Variants in TRDN observed in about 807,000 individuals in gnomAD.
The protein encoded by TRDN is triadin, also known as triadin in skeletal muscle.
A neutral mutation model predicts 149.7 loss-of-function variants in TRDN; 161 were observed. That is an observed-to-expected ratio of 1.08 (90% CI 0.95 to 1.23). The LOEUF (loss-of-function observed/expected upper bound fraction) is 1.23. Among genes scored for constraint, TRDN ranks in the 50% most tolerant of loss-of-function variants. The pLI, the probability that TRDN is intolerant of heterozygous loss-of-function variation, is 0.00. For synonymous variants in TRDN, 294 were observed against 250.5 expected (o/e 1.17, Z -1.64); for missense variants, 896 against 823.5 (o/e 1.09, Z -1.08).
intron 24 of TRDN, among the ~76,000 whole-genome samples, chr6:123,312,005 G>A (rs1480834902): frequency 6.6e-6 from 1 of 151,926 alleles, no homozygotes; most frequent in African/African-American, 2.4e-5. Context: ...ATGAAGATGA[G>A]TACTTCTGAA....
At chr6:123,360,950 T>C (rs1048234769) in intron 20 of TRDN, among the ~76,000 whole-genome samples, 1 of 152,150 alleles carries the variant, frequency 6.6e-6, no homozygotes, top group African/African-American at 2.4e-5. Context: ...TAGATGGATA[T>C]GTGCCACATT....
chr6:123,423,681 G>A (rs1773998625), intron 12 of TRDN, among the ~76,000 whole-genome samples: 1 of 152,108 alleles, frequency 6.6e-6, no homozygotes, highest in South Asian at 2.1e-4. Flanking sequence ...GAGGTCAGGG[G>A]AATAGTACTT....
At position 123,257,199 on chromosome 6, in the gene TRDN, C is replaced by T. The variant is rs148044671; in HGVS notation, c.1871-1297G>A. Among the ~76,000 whole-genome samples, 312 of 152,046 alleles carry T rather than the reference C, an allele frequency of 2.1e-3. 3 individuals are homozygous for T. The highest frequency in any genetic ancestry group is 7.1e-3 in the African/African-American group (296 of 41,482). On this transcript the variant is annotated intron_variant, in intron 35 of 40. Transcript: ENST00000334268. ...TTCACCATGTTGGCCAGGGTGGTCT[C>T]GATCTCTTGACCTCGTGATCCGCCC...
intron 8 of TRDN, chr6:123,502,480 T>G: frequency 2.4e-6 from 2 of 849,544 alleles, no homozygotes; most frequent in Non-Finnish European, 2.8e-6. Context: ...AGAAAAAATC[T>G]TTCCTTTTTA....
intron 10 of TRDN, among the ~76,000 whole-genome samples, chr6:123,456,528 G>C (rs62419057): frequency 0.17 from 25,595 of 151,582 alleles, 2,296 homozygotes; most frequent in South Asian, 0.28. Flanking sequence ...GAGTGCAGTC[G>C]TGGGATCTCG....
intron 24 of TRDN, among the ~76,000 whole-genome samples, chr6:123,283,319 T>C (rs1458629687): frequency 6.6e-6 from 1 of 151,834 alleles, no homozygotes; most frequent in Non-Finnish European, 1.5e-5. Flanking sequence ...GCAAAGGTGG[T>C]GCTAAGAGGA....
chr6:123,332,298 T>C (rs1039548649), intron 22 of TRDN, among the ~76,000 whole-genome samples: 3 of 93,982 alleles, frequency 3.2e-5, no homozygotes, highest in African/African-American at 1.3e-4. Flanking sequence ...TTTATTTCTT[T>C]TAGCCCACAT....
intron 4 of TRDN, among the ~76,000 whole-genome samples, chr6:123,530,874 T>C (rs946553622): frequency 9.2e-5 from 14 of 151,992 alleles, no homozygotes; most frequent in African/African-American, 3.4e-4. Flanking sequence ...ATTATTTTTA[T>C]TTCAATTACT....
intron 12 of TRDN, chr6:123,429,118 C>G (rs1774236534): frequency 6.6e-6 from 1 of 152,032 alleles, no homozygotes; most frequent in African/African-American, 2.4e-5. Flanking sequence ...AGTCTACCAC[C>G]ATTGTTTCCT....
intron 34 of TRDN, 28 bp from the exon 35 acceptor site, chr6:123,259,690 C>G: frequency 1.4e-6 from 2 of 1,436,696 alleles, no homozygotes; most frequent in South Asian, 1.3e-5. Context: ...AACAAGAAAC[C>G]ATCATTTTAA....
In TRDN at chr6:123,547,326, T is replaced by C. The variant is rs546289003; in HGVS notation, c.424+14A>G. The C allele has an allele frequency of 7.0e-6, 10 of 1,434,410 alleles. No homozygotes were observed. In the African/African-American group the frequency reaches 1.3e-4, roughly 19 times the overall value. 88.9% of individuals were successfully genotyped at this position (1,434,410 alleles called of 1,614,324 possible). A position where few individuals can be genotyped will look rare whatever the true frequency, so the allele number is the denominator to read the frequency against. On this transcript the variant is annotated intron_variant, in intron 4 of 40. Transcript: ENST00000334268. The stretch of plus-strand genomic sequence containing the variant: ...AGAGAAAAATAATTATTATCAAAGG[T>C]GAAAACAACTAACCTTTTTTTCTCA...
chr6:123,576,420 C>T (rs576923808), intron 1 of TRDN, among the ~76,000 whole-genome samples: 3 of 151,846 alleles, frequency 2.0e-5, no homozygotes, highest in African/African-American at 7.2e-5. Flanking sequence ...GTTTTTGCCA[C>T]TTAGTCTGTC....
At chr6:123,545,474 G>A (rs561439497) in intron 4 of TRDN, among the ~76,000 whole-genome samples, 1 of 151,894 alleles carries the variant, frequency 6.6e-6, no homozygotes, top group East Asian at 1.9e-4. Context: ...AGATCTTCTT[G>A]AATTCACTTT....
chr6:123,520,759 T>A (rs1779636879), intron 5 of TRDN, among the ~76,000 whole-genome samples: 1 of 152,188 alleles, frequency 6.6e-6, no homozygotes, highest in Non-Finnish European at 1.5e-5. Context: ...TAGTAAGAAC[T>A]GTAATCGCTT....
At chr6:123,393,894 G>T (rs1046188496) in intron 12 of TRDN, among the ~76,000 whole-genome samples, 1 of 152,120 alleles carries the variant, frequency 6.6e-6, no homozygotes, top group Admixed American at 6.6e-5. Context: ...ATAAGATAAA[G>T]ATTCCAAACA....
intron 16 of TRDN, among the ~76,000 whole-genome samples, chr6:123,380,483 T>G (rs79810937): frequency 0.011 from 1,723 of 152,254 alleles, 29 homozygotes; most frequent in African/African-American, 0.039. Context: ...TGTAGATGGA[T>G]TGCTCCCCCT....
chr6:123,266,387 T>G (rs1000444856), intron 32 of TRDN, among the ~76,000 whole-genome samples: 4 of 109,612 alleles, frequency 3.6e-5, no homozygotes, highest in Non-Finnish European at 4.9e-5. Flanking sequence ...ATAATATATA[T>G]ATTATGATAT....
intron 9 of TRDN, among the ~76,000 whole-genome samples, chr6:123,482,741 A>G (rs1446742789): frequency 1.3e-5 from 2 of 152,186 alleles, no homozygotes; most frequent in East Asian, 3.8e-4. Flanking sequence ...CTCACTTCCT[A>G]TAAGAAATTG....
At chr6:123,519,233 A>T (rs1340753373) in intron 5 of TRDN, among the ~76,000 whole-genome samples, 3 of 152,186 alleles carry the variant, frequency 2.0e-5, no homozygotes, top group African/African-American at 7.2e-5. Context: ...AATGGCCCTG[A>T]TGTCTGGCAT....
Sources: gnomAD v4.1 joint callset for allele counts (sites outside exome capture counted in the v4.1 genomes callset) on GRCh38, gnomAD v4.1.1 for gene constraint, MANE v1.5 for transcripts, NCBI Gene and HGNC (gene_info 2026-07-23, HGNC 2026-07-21) for gene names.